Variants in SMARCA2 observed in about 807,000 individuals in gnomAD.
SMARCA2 encodes SWI/SNF-related matrix-associated actin-dependent regulator of chromatin subfamily A member 2.
Under a neutral mutation model 199.8 loss-of-function variants are expected in SMARCA2, and 61 were observed. The ratio of observed to expected loss-of-function variants is 0.31; its 90% CI spans 0.25 to 0.38. The LOEUF (loss-of-function observed/expected upper bound fraction) is 0.38, where lower values mean the gene tolerates loss of function less well. SMARCA2 is among the 10% of genes least tolerant of loss of function. SMARCA2 has a pLI of 1.00. For synonymous variants in SMARCA2, 935 were observed against 732.0 expected (o/e 1.28, Z -4.48); for missense variants, 1,344 against 2,012.2 (o/e 0.67, Z 6.35).
At chr9:2,177,976 G>A (rs1314779655) in intron 29 of SMARCA2, among the ~76,000 whole-genome samples, 1 of 151,222 alleles carries the variant, frequency 6.6e-6, no homozygotes, top group Non-Finnish European at 1.5e-5. Context: ...TAGAGTCATA[G>A]TATAGATGTG....
At chr9:2,154,932 A>T (rs1825270755) in intron 27 of SMARCA2, among the ~76,000 whole-genome samples, 1 of 152,166 alleles carries the variant, frequency 6.6e-6, no homozygotes, top group South Asian at 2.1e-4. Flanking sequence ...TTAAGAGTAG[A>T]TAGTAACTTG....
chr9:2,034,472 C>G (rs890430805), intron 3 of SMARCA2, among the ~76,000 whole-genome samples: 1 of 152,102 alleles, frequency 6.6e-6, no homozygotes, highest in Non-Finnish European at 1.5e-5. Context: ...ACAATGTAGC[C>G]TGATTTCAGA....
intron 28 of SMARCA2, among the ~76,000 whole-genome samples, chr9:2,166,930 T>C (rs1311008282): frequency 6.6e-6 from 1 of 152,244 alleles, no homozygotes; most frequent in African/African-American, 2.4e-5. Flanking sequence ...TGAGGTTAGC[T>C]TGCCATGGCT....
intron 27 of SMARCA2, among the ~76,000 whole-genome samples, chr9:2,124,381 G>A (rs1235928334): frequency 6.6e-6 from 1 of 152,200 alleles, no homozygotes; most frequent in Non-Finnish European, 1.5e-5. Flanking sequence ...GGTCTGCACA[G>A]ATCTTTCAGG....
chr9:2,180,928 G>T (rs1035655341), intron 29 of SMARCA2, among the ~76,000 whole-genome samples: 43 of 152,190 alleles, frequency 2.8e-4, no homozygotes, highest in Admixed American at 2.2e-3. Context: ...CACCCAAATT[G>T]CTCTACACAC....
intron 1 of SMARCA2, chr9:2,018,134 A>G (rs1210345364): frequency 6.6e-6 from 1 of 152,212 alleles, no homozygotes; most frequent in Non-Finnish European, 1.5e-5. Flanking sequence ...TAAAATAAAT[A>G]TTCAAAGTCG....
intron 27 of SMARCA2, among the ~76,000 whole-genome samples, chr9:2,153,389 C>G (rs1237343996): frequency 1.3e-5 from 2 of 152,008 alleles, no homozygotes; most frequent in Non-Finnish European, 2.9e-5. Flanking sequence ...AGAAAATCGC[C>G]AGGCATGGTG....
intron 5 of SMARCA2, 60 bp from the exon 6 acceptor site, chr9:2,054,537 G>C (rs1820264287): frequency 2.5e-6 from 4 of 1,574,398 alleles, no homozygotes; most frequent in African/African-American, 2.7e-5. Context: ...TATCATTTAA[G>C]ATTAAATTGT....
chr9:2,094,314 T>C (rs12001560), intron 19 of SMARCA2, among the ~76,000 whole-genome samples: 2,599 of 152,336 alleles, frequency 0.017, 68 homozygotes, highest in African/African-American at 0.059. Context: ...TGCTTGCCTC[T>C]CTGCTGACTT....
At chr9:2,112,848 A>G (rs1823062488) in intron 24 of SMARCA2, among the ~76,000 whole-genome samples, 1 of 152,212 alleles carries the variant, frequency 6.6e-6, no homozygotes, top group African/African-American at 2.4e-5. Context: ...ACAGAACTCT[A>G]CTAAATATTG....
At chr9:2,093,150 C>T (rs1822132182) in intron 19 of SMARCA2, among the ~76,000 whole-genome samples, 1 of 152,112 alleles carries the variant, frequency 6.6e-6, no homozygotes, top group African/African-American at 2.4e-5. Context: ...GCTACTCACA[C>T]TGAATAATAG....
chr9:2,170,748 G>A lies in SMARCA2; in HGVS notation c.4253+276G>A, dbSNP rs761304993. ...TCCTGGAAAGCCCGCCCTAACTGCAGCATCTTGGAGATGGGTTTCTGTTGC... is the reference window on the plus strand; with the variant it reads ...TCCTGGAAAGCCCGCCCTAACTGCAACATCTTGGAGATGGGTTTCTGTTGC... On this transcript the variant is annotated intron_variant, in intron 29 of 33. Coordinates refer to ENST00000349721, the MANE Select transcript of SMARCA2 (RefSeq NM_003070.5). This position sits in a 1 kb window ranked among gnomAD's most constrained non-coding sequence, Gnocchi z 4.7. 6.6e-6 allele frequency among the ~76,000 whole-genome samples: 1 copy of A among 152,194 alleles called. No individual in the cohort carries two copies. The highest frequency in any genetic ancestry group is 1.5e-5 in the Non-Finnish European group (1 of 68,030).
chr9:2,029,323 T>C (rs1391993240), intron 2 of SMARCA2, 76 bp downstream of exon 2: 2 of 1,537,882 alleles, frequency 1.3e-6, no homozygotes, highest in African/African-American at 2.8e-5. Context: ...CCCATCCCCC[T>C]TTCTACTGTT....
rs3818384 is a variant in SMARCA2 at position 2,191,246 on chromosome 9, T to C, written c.4595-20T>C. ...CTTGTGATTACTCACTGGTGTCTAT[T>C]TCATTTGCTTTGGTTTTAGCAAAAT... On this transcript the variant is annotated intron_variant, in intron 32 of 33. Coordinates refer to ENST00000349721, the MANE Select transcript of SMARCA2 (RefSeq NM_003070.5). The C allele has an allele frequency of 0.1, 163,597 of 1,611,718 alleles. 10,919 individuals carry two copies. Among genetic ancestry groups the C allele is most frequent in the African/African-American group, 0.32 (23,991 of 74,826 alleles).
intron 17 of SMARCA2, among the ~76,000 whole-genome samples, chr9:2,085,388 T>C (rs1309422094): frequency 6.6e-6 from 1 of 152,222 alleles, no homozygotes; most frequent in Non-Finnish European, 1.5e-5. Context: ...AATGGAGCTA[T>C]AGAAAGAGGT....
At chr9:2,157,597 T>G in intron 27 of SMARCA2, 1 of 301,180 alleles carries the variant, frequency 3.3e-6, no homozygotes, top group Non-Finnish European at 6.1e-6. Context: ...TTCCATGCCT[T>G]GTCTGGATAT....
chr9:2,187,660 G>C, intron 32 of SMARCA2, among the ~76,000 whole-genome samples: 1 of 151,668 alleles, frequency 6.6e-6, no homozygotes, highest in East Asian at 1.9e-4. Flanking sequence ...CTGGGCAACA[G>C]AACAAAACTC....
intron 4 of SMARCA2, chr9:2,045,208 A>C (rs1415990503): frequency 6.6e-6 from 1 of 152,244 alleles, no homozygotes; most frequent in Non-Finnish European, 1.5e-5. Context: ...CGATATTATC[A>C]GTAAGACCTA....
In SMARCA2 at chr9:2,116,013, C is replaced by T. The variant is rs778806706; in HGVS notation, c.3648C>T (p.Phe1216=). 3.4e-5 allele frequency: 55 copies of T among 1,614,058 alleles called. No individual in the cohort carries two copies. Among genetic ancestry groups the T allele is most frequent in the Non-Finnish European group, 4.2e-5 (50 of 1,179,954 alleles). Residue 1216 remains phenylalanine, a synonymous_variant, in exon 25 of 34, where the codon TTC becomes TTT. Coordinates refer to ENST00000349721, the MANE Select transcript of SMARCA2 (RefSeq NM_003070.5). The stretch of plus-strand genomic sequence containing the variant: ...CTTCAAGCCACGAGCGGAGGGCATT[C>T]CTGCAGGCCATCTTGGAGCATGAGG... ...QKSSSHERRA[F]LQAILEHEEE... is the part of the protein sequence containing the mutation.
Sources: gnomAD v4.1 joint callset for allele counts (sites outside exome capture counted in the v4.1 genomes callset) on GRCh38, gnomAD v4.1.1 for gene constraint, Gnocchi (gnomAD v3.1) non-coding constraint, MANE v1.5 for transcripts, NCBI Gene and HGNC (gene_info 2026-07-23, HGNC 2026-07-21) for gene names.